Variants in TMEM132D observed in about 807,000 individuals in gnomAD.
The protein encoded by TMEM132D is mature OL transmembrane protein.
In TMEM132D, 21 loss-of-function variants were observed where a neutral mutation model predicts 62.3. The ratio of observed to expected loss-of-function variants is 0.34; its 90% confidence interval spans 0.24 to 0.49. The LOEUF (loss-of-function observed/expected upper bound fraction) is 0.49, where lower values mean the gene tolerates loss of function less well. Ranked by LOEUF, TMEM132D falls within the 20% of genes least tolerant of loss-of-function variation. TMEM132D has a pLI of 0.99. For missense variants in TMEM132D, 1,346 were observed against 1,402.8 expected, an observed-to-expected ratio of 0.96 and a Z score of 0.65; for synonymous variants, 621 against 575.6, an observed-to-expected ratio of 1.08 and a Z score of -1.13.
At position 129,376,079 on chromosome 12, in the gene TMEM132D, T is replaced by C. The variant is rs3912819; in HGVS notation, c.1116-38262A>G. 5.5e-3 allele frequency among the ~76,000 whole-genome samples: 833 copies of C among 152,240 alleles called. 6 individuals are homozygous for C. The highest frequency in any genetic ancestry group is 0.019 in the African/African-American group (787 of 41,524). The stretch of plus-strand genomic sequence containing the variant: ...GAATGTGATGTTAACATTTCAGAGA[T>C]AAATGTAGGCATCAGGGCTCTGGTT... On this transcript the variant is annotated intron_variant, in intron 3 of 8. Coordinates refer to ENST00000422113, the MANE Select transcript of TMEM132D (RefSeq NM_133448.3).
At chr12:129,386,234 C>T (rs1337751773) in intron 3 of TMEM132D, among the ~76,000 whole-genome samples, 1 of 152,132 alleles carries the variant, frequency 6.6e-6, no homozygotes, top group Non-Finnish European at 1.5e-5. Context: ...ATAAGAACAA[C>T]ATAATTGTCT....
chr12:129,313,352 T>C (rs960259460), intron 4 of TMEM132D, among the ~76,000 whole-genome samples: 1 of 152,140 alleles, frequency 6.6e-6, no homozygotes, highest in Admixed American at 6.5e-5. Flanking sequence ...CAAAGTCCAT[T>C]GGATCATCCT....
intron 1 of TMEM132D, among the ~76,000 whole-genome samples, chr12:129,871,823 G>C (rs1874252083): frequency 6.6e-6 from 1 of 152,130 alleles, no homozygotes; most frequent in South Asian, 2.1e-4. Context: ...AGGCTATATG[G>C]GAAGTTCCAA....
chr12:129,629,384 C>T (rs1367213366), intron 2 of TMEM132D, among the ~76,000 whole-genome samples: 2 of 152,198 alleles, frequency 1.3e-5, no homozygotes, highest in Non-Finnish European at 2.9e-5. Context: ...CATTTCAGCC[C>T]CAGCATCTAG....
In TMEM132D at chr12:129,680,569, GTC is replaced by G. The variant is rs1200727460; in HGVS notation, c.968+19239_968+19240del. Among the ~76,000 whole-genome samples, 3 of 152,124 alleles carry G rather than the reference GTC, an allele frequency of 2.0e-5. No homozygotes were observed. The East Asian group carries it at 5.8e-4, about 29-fold the overall frequency. ...TGACACAATGACAAGCCCAGTGATT[GTC>G]TCTGCCTCTGGCATAAGATAGAGTC... On this transcript the variant is annotated intron_variant, in intron 2 of 8. Transcript: ENST00000422113.
At chr12:129,256,065 G>A (rs775997029) in intron 4 of TMEM132D, among the ~76,000 whole-genome samples, 1 of 152,166 alleles carries the variant, frequency 6.6e-6, no homozygotes, top group Non-Finnish European at 1.5e-5. Context: ...CATGTCAGGG[G>A]CTTGACTTGT....
At chr12:129,882,503 C>A (rs1874628258) in intron 1 of TMEM132D, among the ~76,000 whole-genome samples, 2 of 152,136 alleles carry the variant, frequency 1.3e-5, no homozygotes, top group South Asian at 4.1e-4. Context: ...ATCCAGCTTA[C>A]TAAGACAAGT....
chr12:129,420,318 T>G (rs1368377540), intron 3 of TMEM132D, among the ~76,000 whole-genome samples: 3 of 142,120 alleles, frequency 2.1e-5, no homozygotes, highest in African/African-American at 5.8e-5. Flanking sequence ...TTTTTTTTTT[T>G]TTTTTTTTTT....
At chr12:129,372,511 C>T (rs1566048453) in intron 3 of TMEM132D, among the ~76,000 whole-genome samples, 3 of 152,170 alleles carry the variant, frequency 2.0e-5, no homozygotes, top group East Asian at 1.9e-4. Context: ...AGTGAAGCTT[C>T]ATCTGTATTT....
chr12:129,694,504 T>C (rs1347558634), intron 2 of TMEM132D, among the ~76,000 whole-genome samples: 3 of 152,230 alleles, frequency 2.0e-5, no homozygotes, highest in Admixed American at 6.5e-5. Flanking sequence ...CCTAGCTTAA[T>C]AGGCAGACAA....
intron 2 of TMEM132D, among the ~76,000 whole-genome samples, chr12:129,583,088 G>C (rs571194093): frequency 6.6e-6 from 1 of 152,166 alleles, no homozygotes; most frequent in East Asian, 1.9e-4. Context: ...GATTACAGGC[G>C]TGAGCCACTG....
In TMEM132D at chr12:129,766,332, A is replaced by G. The variant is rs11060543; in HGVS notation, c.80-65634T>C. On this transcript the variant is annotated intron_variant, in intron 1 of 8. Coordinates refer to ENST00000422113, the MANE Select transcript of TMEM132D (RefSeq NM_133448.3). ...GGTAAAGCCTTTTCAGGAGAATTCT[A>G]TGTGCGTGTAACTTTTCACTCCTGT... Among the ~76,000 whole-genome samples, 1,012 of 152,300 alleles carry G rather than the reference A, an allele frequency of 6.6e-3. 22 individuals are homozygous for G. In the East Asian group the frequency reaches 0.071, roughly 11 times the overall value.
intron 3 of TMEM132D, among the ~76,000 whole-genome samples, chr12:129,442,698 A>C (rs1363546186): frequency 2.0e-5 from 3 of 152,174 alleles, no homozygotes; most frequent in Non-Finnish European, 4.4e-5. Context: ...TATCTGATGA[A>C]TAATACTGGA....
chr12:129,572,431 G>GTTTCTTTC lies in TMEM132D; in HGVS notation c.969-41234_969-41227dup, dbSNP rs60151206. 8.7e-3 allele frequency among the ~76,000 whole-genome samples: 1,312 copies of GTTTCTTTC among 150,856 alleles called. 9 individuals are homozygous for GTTTCTTTC. Among genetic ancestry groups the GTTTCTTTC allele is most frequent in the African/African-American group, 0.014 (588 of 41,002 alleles). ...GGCCTGCACCCAGGGCAGAGGGTCTGTTTCTTTCTTTCTTTCTTTCTTTCT... is the reference window on the plus strand; with the variant it reads ...GGCCTGCACCCAGGGCAGAGGGTCTGTTTCTTTCTTTCTTTCTTTCTTTCTTTCTTTCT... On this transcript the variant is annotated intron_variant, in intron 2 of 8. Coordinates refer to ENST00000422113, the MANE Select transcript of TMEM132D (RefSeq NM_133448.3).
chr12:129,809,999 T>C (rs1310224262), intron 1 of TMEM132D, among the ~76,000 whole-genome samples: 1 of 152,160 alleles, frequency 6.6e-6, no homozygotes, highest in Non-Finnish European at 1.5e-5. Context: ...GAGTCCTCGC[T>C]ATGGAAAAGC....
chr12:129,151,688 G>A (rs555222743), intron 5 of TMEM132D, among the ~76,000 whole-genome samples: 2 of 152,134 alleles, frequency 1.3e-5, no homozygotes, highest in African/African-American at 4.8e-5. Flanking sequence ...CTTGGGATTC[G>A]CTAGACCTTC....
intron 2 of TMEM132D, among the ~76,000 whole-genome samples, chr12:129,559,520 G>A (rs994068730): frequency 6.6e-6 from 1 of 152,180 alleles, no homozygotes; most frequent in Non-Finnish European, 1.5e-5. Context: ...ACAAAAGCCT[G>A]TGAGTCTTAC....
chr12:129,626,407 T>C (rs1173273660), intron 2 of TMEM132D, among the ~76,000 whole-genome samples: 1 of 152,208 alleles, frequency 6.6e-6, no homozygotes, highest in Non-Finnish European at 1.5e-5. Flanking sequence ...AACAGGCTTG[T>C]GTGTACAGTA....
At chr12:129,415,799 C>T (rs1018513275) in intron 3 of TMEM132D, among the ~76,000 whole-genome samples, 4 of 152,198 alleles carry the variant, frequency 2.6e-5, no homozygotes, top group Admixed American at 2.6e-4. Context: ...CAGGGAAATG[C>T]ATTGATCAGA....
Sources: allele counts gnomAD v4.1 joint callset (sites outside exome capture counted in the v4.1 genomes callset), GRCh38; gene constraint gnomAD v4.1.1; transcripts MANE v1.5; gene names NCBI Gene and HGNC (gene_info 2026-07-23, HGNC 2026-07-21).